The following MAP7D2 variants were observed in gnomAD, a reference collection of about 807,000 sequenced individuals.
The protein encoded by MAP7D2 is MAP7 domain containing 2, also known as MAP7 domain-containing protein 2.
Under a neutral mutation model 63.5 loss-of-function variants are expected in MAP7D2, and 33 were observed. The observed-to-expected ratio is 0.52, with a 90% CI of 0.39 to 0.70. The LOEUF (loss-of-function observed/expected upper bound fraction) is 0.70, where lower values mean the gene tolerates loss of function less well. Among genes scored for constraint, MAP7D2 ranks in the 30% least tolerant of loss-of-function variants. The pLI, the probability that MAP7D2 is intolerant of heterozygous loss-of-function variation, is 0.00. For synonymous variants in MAP7D2, 224 were observed against 223.7 expected (o/e 1.00, Z -0.01); for missense variants, 626 against 604.0 (o/e 1.04, Z -0.38).
chrX:20,092,873 T>C (rs1276916336), intron 1 of MAP7D2, among the ~76,000 whole-genome samples: 1 of 112,406 alleles, frequency 8.9e-6, no homozygotes, highest in Non-Finnish European at 1.9e-5. Context: ...ATGTTTCTGT[T>C]GATAGGAGGA....
chrX:20,029,755 A>T (rs1163265489), intron 8 of MAP7D2, among the ~76,000 whole-genome samples: 1 of 108,990 alleles, frequency 9.2e-6, no homozygotes, highest in Non-Finnish European at 1.9e-5. Context: ...CACAAACATG[A>T]CCTTCAAATT....
At chrX:20,059,609 AGGAAGGAAGGAAGGAAGGGT>A (rs2065147958) in intron 3 of MAP7D2, among the ~76,000 whole-genome samples, 2 of 102,379 alleles carry the variant, frequency 2.0e-5, no homozygotes, top group Non-Finnish European at 4.0e-5. Flanking sequence ...GAAGGAAGGA[AGGAAGGAAGGAAGGAAGGGT>A]GGAAGGAAGG....
At chrX:20,110,421 G>A (rs1331079200) in intron 1 of MAP7D2, among the ~76,000 whole-genome samples, 2 of 110,072 alleles carry the variant, frequency 1.8e-5, no homozygotes, top group African/African-American at 3.3e-5. Context: ...CCCAGGAAGC[G>A]AGGTTGCAGA....
intron 8 of MAP7D2, among the ~76,000 whole-genome samples, chrX:20,027,228 C>T (rs949363989): frequency 5.3e-5 from 6 of 112,179 alleles, no homozygotes; most frequent in Admixed American, 9.4e-5. Flanking sequence ...GATGGTGCTT[C>T]GACTCTCTGC....
chrX:20,072,202 A>G (rs775784593), intron 1 of MAP7D2, among the ~76,000 whole-genome samples: 33 of 111,819 alleles, frequency 3.0e-4, no homozygotes, highest in African/African-American at 1.0e-3. Flanking sequence ...GAGGAATACA[A>G]GGGTAAAGAA....
At chrX:20,067,292 T>C (rs984122703) in intron 1 of MAP7D2, among the ~76,000 whole-genome samples, 1 of 111,926 alleles carries the variant, frequency 8.9e-6, no homozygotes. Flanking sequence ...CCAAACACAC[T>C]TGAAACTGCC....
chrX:20,097,527 C>T (rs1412290403), intron 1 of MAP7D2, among the ~76,000 whole-genome samples: 3 of 112,079 alleles, frequency 2.7e-5, no homozygotes, highest in Admixed American at 1.9e-4. Flanking sequence ...GGATAAGAGA[C>T]TTTGACATAC....
intron 10 of MAP7D2, among the ~76,000 whole-genome samples, chrX:20,019,232 T>C (rs942352052): frequency 2.7e-5 from 3 of 110,750 alleles, no homozygotes; most frequent in African/African-American, 9.9e-5. Context: ...TCTCATTTTG[T>C]TGCCCAGGCT....
intron 8 of MAP7D2, among the ~76,000 whole-genome samples, chrX:20,029,766 A>G (rs1200592929): frequency 9.6e-6 from 1 of 104,707 alleles, no homozygotes; most frequent in Non-Finnish European, 1.9e-5. Context: ...CCTTCAAATT[A>G]GAAAAGTGTG....
chrX:20,088,468 G>GTTTTTT (rs779366726), intron 1 of MAP7D2, among the ~76,000 whole-genome samples: 9 of 41,074 alleles, frequency 2.2e-4, no homozygotes, highest in African/African-American at 3.6e-4. Context: ...CTAATTTTCA[G>GTTTTTT]TTTTTTTTTT....
At chrX:20,050,702 A>G in intron 6 of MAP7D2, 122 bp downstream of exon 6, 1 of 806,602 alleles carries the variant, frequency 1.2e-6, no homozygotes, top group Non-Finnish European at 1.7e-6. Context: ...TTATTAACCA[A>G]TGAAGACTTT....
At chrX:20,022,270 C>G (rs1314667739) in intron 10 of MAP7D2, among the ~76,000 whole-genome samples, 1 of 111,721 alleles carries the variant, frequency 9.0e-6, no homozygotes, top group African/African-American at 3.3e-5. Context: ...GCTTTGCACA[C>G]TGGTGTCTGG....
intron 1 of MAP7D2, among the ~76,000 whole-genome samples, chrX:20,109,562 C>G (rs1324084801): frequency 9.4e-6 from 1 of 106,132 alleles, no homozygotes; most frequent in Non-Finnish European, 1.9e-5. Flanking sequence ...GCTCCGAAGT[C>G]AAACACACTT....
intron 4 of MAP7D2, among the ~76,000 whole-genome samples, chrX:20,053,232 A>G (rs2064994467): frequency 8.9e-6 from 1 of 112,042 alleles, no homozygotes; most frequent in Non-Finnish European, 1.9e-5. Flanking sequence ...TTCAATTTCA[A>G]ATGTTCAACC....
chrX:20,116,580 G>GC (rs2066900409), intron 1 of MAP7D2, 170 bp downstream of exon 1: 2 of 964,398 alleles, frequency 2.1e-6, no homozygotes, highest in Non-Finnish European at 2.6e-6. Flanking sequence ...GAGGGGTGCG[G>GC]CCCTTGGATG....
At chrX:20,103,399 C>A (rs2066488580) in intron 1 of MAP7D2, among the ~76,000 whole-genome samples, 1 of 111,466 alleles carries the variant, frequency 9.0e-6, no homozygotes, top group Admixed American at 9.6e-5. Context: ...CAAGTCTTGT[C>A]TACCAGTTCG....
intron 8 of MAP7D2, among the ~76,000 whole-genome samples, chrX:20,040,719 G>A (rs150465733): frequency 0.011 from 1,207 of 111,338 alleles, 6 homozygotes; most frequent in Middle Eastern, 0.018. Flanking sequence ...TTATATGGGT[G>A]CAATTCATGG....
At chrX:20,116,357 A>G (rs1213058883) in intron 1 of MAP7D2, among the ~76,000 whole-genome samples, 1 of 112,428 alleles carries the variant, frequency 8.9e-6, no homozygotes, top group Non-Finnish European at 1.9e-5. Flanking sequence ...GAACGCAGAG[A>G]GAGCGCGCGC....
rs2073033776 is a variant in MAP7D2 at position 20,007,056 on chromosome X, C to T, written c.*1369G>A. ...AGACCATGCTATGGTTTCTGTGTGC[C>T]TGTCATAAAGGGACTTGGCCAGTAT... On this transcript the variant is annotated 3_prime_UTR_variant, in exon 17 of 17. Coordinates refer to ENST00000379643, the MANE Select transcript of MAP7D2 (RefSeq NM_001168465.2). 2 of 112,000 alleles carry T rather than the reference C, an allele frequency of 1.8e-5. No individual in the cohort carries two copies. 9.2% of individuals were successfully genotyped at this position (112,000 alleles called of 1,213,427 possible). A position where few individuals can be genotyped will look rare whatever the true frequency, so the allele number is the denominator to read the frequency against.
Sources: gnomAD v4.1 joint callset for allele counts (sites outside exome capture counted in the v4.1 genomes callset) on GRCh38, gnomAD v4.1.1 for gene constraint, MANE v1.5 for transcripts, NCBI Gene and HGNC (gene_info 2026-07-23, HGNC 2026-07-21) for gene names.